Variants in WWOX observed in about 807,000 individuals in gnomAD.
The protein encoded by WWOX is WW domain containing oxidoreductase, also known as WW domain-containing oxidoreductase.
Under a neutral mutation model 46.2 loss-of-function variants are expected in WWOX, and 69 were observed. The ratio of observed to expected loss-of-function variants is 1.49; its 90% CI spans 1.23 to 1.82. WWOX has a LOEUF of 1.82. Among genes scored for constraint, WWOX ranks in the 40% most tolerant of loss-of-function variants. The pLI, the probability that WWOX is intolerant of heterozygous loss-of-function variation, is 0.00. For synonymous variants in WWOX, 359 were observed against 202.6 expected, an observed-to-expected ratio of 1.77 and a Z score of -6.56; for missense variants, 919 against 542.6, an observed-to-expected ratio of 1.69 and a Z score of -6.89.
intron 8 of WWOX, among the ~76,000 whole-genome samples, chr16:78,693,847 A>T (rs768193118): frequency 3.9e-5 from 6 of 152,146 alleles, no homozygotes; most frequent in Non-Finnish European, 7.4e-5. Flanking sequence ...TAAGCTGTGA[A>T]TACCCTCTCT....
At chr16:78,249,367 C>T (rs2037917966) in intron 5 of WWOX, among the ~76,000 whole-genome samples, 1 of 152,202 alleles carries the variant, frequency 6.6e-6, no homozygotes, top group Non-Finnish European at 1.5e-5. Flanking sequence ...AGGCGTGGGC[C>T]AGAATGCCAC....
intron 8 of WWOX, among the ~76,000 whole-genome samples, chr16:78,704,681 T>A (rs1249591576): frequency 6.6e-6 from 1 of 152,186 alleles, no homozygotes; most frequent in Non-Finnish European, 1.5e-5. Flanking sequence ...GATTATGACA[T>A]GTTAAAACTG....
chr16:79,181,832 C>G (rs1386392287), intron 8 of WWOX, among the ~76,000 whole-genome samples: 2 of 152,182 alleles, frequency 1.3e-5, no homozygotes, highest in East Asian at 3.9e-4. Flanking sequence ...CATGTTTCAT[C>G]CATTTGCAGC....
intron 8 of WWOX, among the ~76,000 whole-genome samples, chr16:78,692,328 A>C (rs1343687987): frequency 1.3e-5 from 2 of 152,218 alleles, no homozygotes; most frequent in African/African-American, 2.4e-5. Flanking sequence ...GTTTTCTGAA[A>C]GGACTTAAAG....
chr16:78,712,229 C>T (rs1022464070), intron 8 of WWOX, among the ~76,000 whole-genome samples: 7 of 152,008 alleles, frequency 4.6e-5, no homozygotes, highest in Non-Finnish European at 7.4e-5. Flanking sequence ...ATTGGCTGGG[C>T]GCGGTGGCTC....
chr16:79,155,682 A>G (rs1019418317), intron 8 of WWOX, among the ~76,000 whole-genome samples: 1 of 152,118 alleles, frequency 6.6e-6, no homozygotes, highest in African/African-American at 2.4e-5. Flanking sequence ...AGATTTGGTT[A>G]TAGGAGGTCA....
chr16:78,542,005 C>T lies in WWOX; in HGVS notation c.1056+109253C>T, dbSNP rs530229281. 5.4e-5 allele frequency among the ~76,000 whole-genome samples: 4 copies of T among 73,926 alleles called. No individual in the cohort carries two copies. In the East Asian group the frequency reaches 2.1e-3, roughly 38 times the overall value. The allele number at this position is 73,926 out of a possible 152,430, so 48.5% of individuals were successfully genotyped here. A position where few individuals can be genotyped will look rare whatever the true frequency, so the allele number is the denominator to read the frequency against. On this transcript the variant is annotated intron_variant, in intron 8 of 8. Coordinates refer to ENST00000566780, the MANE Select transcript of WWOX (RefSeq NM_016373.4). ...AAGTCAGTTACCAGAGGGTTTCTTT[C>T]AACAGAGTATACCAAAAAAAAAAAA...
chr16:78,366,735 A>T (rs1372564925), intron 5 of WWOX, among the ~76,000 whole-genome samples: 1 of 152,194 alleles, frequency 6.6e-6, no homozygotes, highest in Non-Finnish European at 1.5e-5. Flanking sequence ...CTGGCCCTTT[A>T]GAGAAAAGGT....
intron 8 of WWOX, among the ~76,000 whole-genome samples, chr16:78,462,674 C>A (rs2083979288): frequency 6.6e-6 from 1 of 152,128 alleles, no homozygotes; most frequent in Admixed American, 6.5e-5. Context: ...GTAATAGAGT[C>A]ATAATTGGTG....
At chr16:78,577,500 G>T (rs542083243) in intron 8 of WWOX, among the ~76,000 whole-genome samples, 1 of 152,272 alleles carries the variant, frequency 6.6e-6, no homozygotes, top group South Asian at 2.1e-4. Flanking sequence ...AGTTCATGCA[G>T]CCCTGGGTAT....
In WWOX at chr16:78,724,266, A is replaced by G. The variant is rs2048771170; in HGVS notation, c.1056+291514A>G. On this transcript the variant is annotated intron_variant, in intron 8 of 8. Transcript: ENST00000566780. ...GGGCCTCTGGTTACCAGCAATGAAAAAAGCCCCATTTGGTAAAATACAGTA... is the reference window on the plus strand; with the variant it reads ...GGGCCTCTGGTTACCAGCAATGAAAGAAGCCCCATTTGGTAAAATACAGTA... 2.6e-5 allele frequency among the ~76,000 whole-genome samples: 4 copies of G among 152,276 alleles called. No homozygotes were observed. The South Asian group carries it at 8.3e-4, about 32-fold the overall frequency.
chr16:78,757,153 T>G, intron 8 of WWOX: 1 of 622,118 alleles, frequency 1.6e-6, no homozygotes. Flanking sequence ...CACAAGTTTC[T>G]GCACCACAGA....
intron 8 of WWOX, among the ~76,000 whole-genome samples, chr16:78,953,585 G>A (rs997492347): frequency 2.0e-5 from 3 of 152,162 alleles, no homozygotes; most frequent in African/African-American, 7.2e-5. Context: ...CAGAGAGTGT[G>A]TCCCCTCCAC....
chr16:78,120,012 G>A (rs897054826), intron 4 of WWOX, among the ~76,000 whole-genome samples: 1 of 151,938 alleles, frequency 6.6e-6, no homozygotes, highest in South Asian at 2.1e-4. Flanking sequence ...TGAGCCAAAG[G>A]ACCCATTAAC....
At chr16:79,189,401 G>A (rs972383176) in intron 8 of WWOX, among the ~76,000 whole-genome samples, 2 of 149,356 alleles carry the variant, frequency 1.3e-5, no homozygotes, top group African/African-American at 2.5e-5. Flanking sequence ...GGGACTACAG[G>A]CATGCACCAC....
intron 8 of WWOX, among the ~76,000 whole-genome samples, chr16:78,702,451 G>C (rs1270788635): frequency 6.6e-6 from 1 of 151,626 alleles, no homozygotes; most frequent in Non-Finnish European, 1.5e-5. Flanking sequence ...AGGAGTTTGA[G>C]ACCAGCCTGG....
At chr16:78,453,442 CTTA>C (rs1310436092) in intron 8 of WWOX, among the ~76,000 whole-genome samples, 1 of 151,394 alleles carries the variant, frequency 6.6e-6, no homozygotes, top group African/African-American at 2.4e-5. Flanking sequence ...AAAAAAATTT[CTTA>C]TTCAGTTGAT....
chr16:78,383,708 C>T (rs75464051), intron 5 of WWOX, among the ~76,000 whole-genome samples: 2 of 152,174 alleles, frequency 1.3e-5, no homozygotes, highest in Admixed American at 1.3e-4. Flanking sequence ...CATTTTCCAT[C>T]CCCTGGACTT....
intron 5 of WWOX, among the ~76,000 whole-genome samples, chr16:78,384,843 A>T (rs1221747983): frequency 1.3e-5 from 2 of 151,902 alleles, no homozygotes; most frequent in African/African-American, 4.8e-5. Flanking sequence ...TTTCCTTAAA[A>T]CTAGGCTTTG....
Sources: gnomAD v4.1 joint callset for allele counts (sites outside exome capture counted in the v4.1 genomes callset) on GRCh38, gnomAD v4.1.1 for gene constraint, MANE v1.5 for transcripts, NCBI Gene and HGNC (gene_info 2026-07-23, HGNC 2026-07-21) for gene names.